FARS2: variants seen among roughly 807,000 people sequenced by gnomAD.
The protein encoded by FARS2 is phenylalanine--tRNA ligase, mitochondrial.
FARS2 carries 40 observed loss-of-function variants against 46.4 expected under a neutral mutation model. That is an observed-to-expected ratio of 0.86 (90% CI 0.67 to 1.12). The LOEUF is 1.12. Ranked by LOEUF, FARS2 falls within the 50% of genes most tolerant of loss-of-function variation. FARS2 has a pLI of 0.00. For synonymous variants in FARS2, 234 were observed against 214.9 expected (o/e 1.09, Z -0.78); for missense variants, 513 against 567.9 (o/e 0.90, Z 0.98).
intron 4 of FARS2, among the ~76,000 whole-genome samples, chr6:5,468,069 T>C (rs756208719): frequency 6.6e-6 from 1 of 152,176 alleles, no homozygotes; most frequent in Non-Finnish European, 1.5e-5. Flanking sequence ...TGAGAGAGCA[T>C]CTTGTCTGTC....
chr6:5,400,775 T>G, intron 2 of FARS2, among the ~76,000 whole-genome samples: 1 of 152,034 alleles, frequency 6.6e-6, no homozygotes, highest in Non-Finnish European at 1.5e-5. Context: ...TTTCCTATTA[T>G]CATTAATATT....
intron 2 of FARS2, among the ~76,000 whole-genome samples, chr6:5,388,455 G>A (rs965045096): frequency 1.1e-4 from 16 of 152,130 alleles, no homozygotes; most frequent in Admixed American, 5.9e-4. Flanking sequence ...TGACAAGATC[G>A]TGTACCATCG....
intron 6 of FARS2, among the ~76,000 whole-genome samples, chr6:5,708,547 G>A (rs566951738): frequency 2.0e-5 from 3 of 152,304 alleles, no homozygotes; most frequent in African/African-American, 7.2e-5. Flanking sequence ...GCAGAGATCT[G>A]TAAGTGGCAA....
chr6:5,375,535 A>G (rs1759322717), intron 2 of FARS2, among the ~76,000 whole-genome samples: 2 of 152,066 alleles, frequency 1.3e-5, no homozygotes, highest in Admixed American at 6.5e-5. Context: ...TTTTCACTGG[A>G]TATTTTGGAA....
intron 1 of FARS2, among the ~76,000 whole-genome samples, chr6:5,313,983 T>C (rs1049293049): frequency 8.5e-5 from 13 of 152,198 alleles, no homozygotes; most frequent in Admixed American, 2.6e-4. Flanking sequence ...GTTTCTCAGA[T>C]TACAACGTAT....
chr6:5,622,376 A>G (rs1338953901), intron 6 of FARS2, among the ~76,000 whole-genome samples: 1 of 152,202 alleles, frequency 6.6e-6, no homozygotes, highest in Non-Finnish European at 1.5e-5. Flanking sequence ...TTTCTAGGCT[A>G]TTCCACATGA....
intron 1 of FARS2, among the ~76,000 whole-genome samples, chr6:5,317,752 A>C (rs1417945251): frequency 6.6e-6 from 1 of 151,792 alleles, no homozygotes; most frequent in Non-Finnish European, 1.5e-5. Flanking sequence ...TGTACTCCAG[A>C]CTGTGCAATA....
intron 6 of FARS2, among the ~76,000 whole-genome samples, chr6:5,771,088 C>T (rs930367394): frequency 2.0e-5 from 3 of 152,226 alleles, no homozygotes; most frequent in Non-Finnish European, 4.4e-5. Flanking sequence ...AAACCAGCAG[C>T]CTCCTTTAGT....
intron 5 of FARS2, among the ~76,000 whole-genome samples, chr6:5,611,222 C>T (rs1381326547): frequency 2.0e-5 from 3 of 152,124 alleles, no homozygotes; most frequent in Non-Finnish European, 4.4e-5. Flanking sequence ...GTGAGGATAC[C>T]AAGTGAACAG....
At chr6:5,416,383 A>C (rs1315902301) in intron 3 of FARS2, among the ~76,000 whole-genome samples, 1 of 152,190 alleles carries the variant, frequency 6.6e-6, no homozygotes, top group African/African-American at 2.4e-5. Context: ...TCGTTTGTTG[A>C]AATGACCTTT....
chr6:5,257,978 G>C (rs1357617392), upstream of FARS2, among the ~76,000 whole-genome samples: 1 of 152,196 alleles, frequency 6.6e-6, no homozygotes, highest in Non-Finnish European at 1.5e-5. Context: ...GAAGAGAGTT[G>C]GGAAAACTTT....
chr6:5,716,239 A>G (rs1759484711), intron 6 of FARS2, among the ~76,000 whole-genome samples: 1 of 152,226 alleles, frequency 6.6e-6, no homozygotes, highest in Non-Finnish European at 1.5e-5. Context: ...TAATTATTAC[A>G]TATAGAGTGC....
intron 4 of FARS2, among the ~76,000 whole-genome samples, chr6:5,447,563 T>C (rs1562047815): frequency 6.6e-6 from 1 of 152,184 alleles, no homozygotes; most frequent in Non-Finnish European, 1.5e-5. Flanking sequence ...AAGTGGAAAC[T>C]GTTAGGTGAA....
chr6:5,628,524 A>G (rs1776143984), intron 6 of FARS2, among the ~76,000 whole-genome samples: 1 of 152,236 alleles, frequency 6.6e-6, no homozygotes, highest in Non-Finnish European at 1.5e-5. Flanking sequence ...CCCCGTGGAC[A>G]GATCTGAAGA....
chr6:5,710,217 G>C (rs1488097501), intron 6 of FARS2, among the ~76,000 whole-genome samples: 1 of 152,150 alleles, frequency 6.6e-6, no homozygotes, highest in Non-Finnish European at 1.5e-5. Flanking sequence ...AGACAGATGA[G>C]CGCCGCTGTA....
intron 5 of FARS2, among the ~76,000 whole-genome samples, chr6:5,547,800 T>C (rs1032470172): frequency 6.6e-6 from 1 of 152,268 alleles, no homozygotes; most frequent in Non-Finnish European, 1.5e-5. Context: ...AGTAGCAGGC[T>C]AGCTCTTCTG....
At chr6:5,359,132 C>T (rs986216954) in intron 1 of FARS2, among the ~76,000 whole-genome samples, 4 of 147,458 alleles carry the variant, frequency 2.7e-5, no homozygotes, top group Non-Finnish European at 4.5e-5. Flanking sequence ...CTCCGCCTCC[C>T]GGGTTCAAGC....
chr6:5,385,594 T>G (rs766009760), intron 2 of FARS2, among the ~76,000 whole-genome samples: 6 of 151,974 alleles, frequency 3.9e-5, no homozygotes, highest in Non-Finnish European at 7.4e-5. Context: ...GCTAATTTTT[T>G]TTTGTATTTT....
At chr6:5,704,798 G>A (rs1048286581) in intron 6 of FARS2, among the ~76,000 whole-genome samples, 4 of 152,238 alleles carry the variant, frequency 2.6e-5, no homozygotes, top group African/African-American at 9.6e-5. Context: ...AACATCTGAA[G>A]ATTCGAACTT....
Sources: gnomAD v4.1 joint callset for allele counts (sites outside exome capture counted in the v4.1 genomes callset) on GRCh38, gnomAD v4.1.1 for gene constraint, MANE v1.5 for transcripts, NCBI Gene and HGNC (gene_info 2026-07-23, HGNC 2026-07-21) for gene names.